Variants in SHISA6 observed in about 807,000 individuals in gnomAD.
The protein encoded by SHISA6 is protein shisa-6.
A neutral mutation model predicts 47.9 loss-of-function variants in SHISA6; 22 were observed. The ratio of observed to expected loss-of-function variants is 0.46; its 90% CI spans 0.33 to 0.66. SHISA6 has a LOEUF of 0.66. SHISA6 is among the 30% of genes least tolerant of loss of function. The probability of loss-of-function intolerance (pLI) is 0.02; values close to 1 mark genes in which losing one functional copy is unlikely to be tolerated. For synonymous variants in SHISA6, 388 were observed against 337.8 expected (o/e 1.15, Z -1.63); for missense variants, 680 against 764.6 (o/e 0.89, Z 1.30).
chr17:11,435,312 T>C (rs1199756259), intron 3 of SHISA6, among the ~76,000 whole-genome samples: 1 of 152,194 alleles, frequency 6.6e-6, no homozygotes, highest in East Asian at 1.9e-4. Context: ...TAAGTAGCCC[T>C]GAGGTCTGAA....
At chr17:11,512,521 A>T (rs1442718971) in intron 3 of SHISA6, among the ~76,000 whole-genome samples, 1 of 152,144 alleles carries the variant, frequency 6.6e-6, no homozygotes, top group African/African-American at 2.4e-5. Flanking sequence ...TTTTTTTGAA[A>T]TTGTATTTCA....
chr17:11,453,428 G>A lies in SHISA6; in HGVS notation c.895+73919G>A, dbSNP rs370270213. Among the ~76,000 whole-genome samples, 55 of 152,238 alleles carry A rather than the reference G, an allele frequency of 3.6e-4. 1 individual carries two copies. The highest frequency in any genetic ancestry group is 1.1e-3 in the African/African-American group (47 of 41,550). The stretch of plus-strand genomic sequence containing the variant: ...GCTTCCAGAGACCCTCAGCGGGACA[G>A]TGCTTACTTACTGCCTAACCCAACC... On this transcript the variant is annotated intron_variant, in intron 3 of 5. Transcript: ENST00000441885.
intron 3 of SHISA6, among the ~76,000 whole-genome samples, chr17:11,542,229 C>T (rs1168671562): frequency 1.3e-5 from 2 of 151,850 alleles, no homozygotes; most frequent in Non-Finnish European, 2.9e-5. Flanking sequence ...ATACCCTTGC[C>T]TTCTCATCAC....
intron 2 of SHISA6, among the ~76,000 whole-genome samples, chr17:11,302,885 GA>G (rs1909977261): frequency 6.6e-6 from 1 of 152,170 alleles, no homozygotes; most frequent in Non-Finnish European, 1.5e-5. Flanking sequence ...GGGGGCGTTT[GA>G]AATGAGAGGT....
At chr17:11,411,859 C>T (rs185844661) in intron 3 of SHISA6, among the ~76,000 whole-genome samples, 2 of 152,262 alleles carry the variant, frequency 1.3e-5, no homozygotes, top group East Asian at 1.9e-4. Flanking sequence ...ATTGACCACG[C>T]ACGTGCATTC....
intron 3 of SHISA6, among the ~76,000 whole-genome samples, chr17:11,407,998 C>T (rs529377535): frequency 2.4e-4 from 36 of 152,212 alleles, no homozygotes; most frequent in Admixed American, 9.8e-4. Flanking sequence ...ATTTCTTCCC[C>T]GACACCATCA....
intron 1 of SHISA6, among the ~76,000 whole-genome samples, chr17:11,253,993 C>G (rs1907916197): frequency 6.6e-6 from 1 of 152,140 alleles, no homozygotes; most frequent in Non-Finnish European, 1.5e-5. Context: ...ATTCCCAACA[C>G]CACTGTTTGG....
At chr17:11,447,235 T>G (rs868069333) in intron 3 of SHISA6, among the ~76,000 whole-genome samples, 1 of 152,206 alleles carries the variant, frequency 6.6e-6, no homozygotes, top group African/African-American at 2.4e-5. Flanking sequence ...TTCACAGTTT[T>G]CCGAGGAGGG....
intron 2 of SHISA6, among the ~76,000 whole-genome samples, chr17:11,342,480 A>G (rs924397793): frequency 6.6e-6 from 1 of 152,092 alleles, no homozygotes; most frequent in Non-Finnish European, 1.5e-5. Flanking sequence ...AGACCCTGCA[A>G]AGGGTCTTCG....
At chr17:11,513,525 A>C (rs1162630392) in intron 3 of SHISA6, among the ~76,000 whole-genome samples, 1 of 152,190 alleles carries the variant, frequency 6.6e-6, no homozygotes, top group Non-Finnish European at 1.5e-5. Context: ...AACCTATGTC[A>C]CATCTCTGGG....
At chr17:11,475,336 AG>A (rs1232609562) in intron 3 of SHISA6, among the ~76,000 whole-genome samples, 1 of 152,118 alleles carries the variant, frequency 6.6e-6, no homozygotes, top group Non-Finnish European at 1.5e-5. Flanking sequence ...GAGTGTTGAG[AG>A]GGGGCATGGC....
intron 3 of SHISA6, among the ~76,000 whole-genome samples, chr17:11,469,967 A>C (rs1915898791): frequency 6.6e-6 from 1 of 152,156 alleles, no homozygotes. Flanking sequence ...ATCCTATAGA[A>C]CTGGTGTCCA....
intron 2 of SHISA6, among the ~76,000 whole-genome samples, chr17:11,300,149 C>CAAAAAAAAAAAAAAAAA (rs56060137): frequency 7.7e-6 from 1 of 129,162 alleles, no homozygotes; most frequent in South Asian, 2.5e-4. Context: ...CATCTTAAAA[C>CAAAAAAAAAAAAAAAAA]AAAAAAAAAA....
Position 11,435,755 on chromosome 17 carries a change from T to G in SHISA6, c.895+56246T>G, listed in dbSNP as rs147391242. On this transcript the variant is annotated intron_variant, in intron 3 of 5. Coordinates refer to ENST00000441885, the MANE Select transcript of SHISA6 (RefSeq NM_207386.4). The stretch of plus-strand genomic sequence containing the variant: ...ATAGCCTTTTGCAGTTTTCATCAAG[T>G]GTATCCATAGCTGTGCAGTTCTAAA... Among the ~76,000 whole-genome samples the G allele has an allele frequency of 2.5e-3, 380 of 152,278 alleles. 2 individuals carry two copies. The highest frequency in any genetic ancestry group is 8.7e-3 in the African/African-American group (363 of 41,576).
intron 3 of SHISA6, among the ~76,000 whole-genome samples, chr17:11,413,409 G>A (rs527364526): frequency 4.7e-4 from 72 of 152,286 alleles, no homozygotes; most frequent in African/African-American, 1.4e-3. Flanking sequence ...AGAGGCCATT[G>A]CCCAGACATT....
intron 3 of SHISA6, among the ~76,000 whole-genome samples, chr17:11,529,049 C>A (rs79371125): frequency 0.13 from 19,032 of 151,384 alleles, 1,533 homozygotes; most frequent in Middle Eastern, 0.22. Context: ...AAAAATTAGC[C>A]GGACATGGTG....
At chr17:11,267,731 T>A (rs1567555190) in intron 2 of SHISA6, among the ~76,000 whole-genome samples, 1 of 151,988 alleles carries the variant, frequency 6.6e-6, no homozygotes, top group Admixed American at 6.6e-5. Context: ...CTAGGCAGAG[T>A]GAGTGTGGCT....
intron 2 of SHISA6, among the ~76,000 whole-genome samples, chr17:11,333,017 G>A (rs375661063): frequency 2.0e-5 from 3 of 152,144 alleles, no homozygotes; most frequent in Admixed American, 6.5e-5. Context: ...CTCCCTGTGC[G>A]GTGGCTGCCA....
At chr17:11,524,966 G>A (rs1462203125) in intron 3 of SHISA6, among the ~76,000 whole-genome samples, 3 of 152,162 alleles carry the variant, frequency 2.0e-5, no homozygotes, top group Admixed American at 2.0e-4. Flanking sequence ...GATGACGGGG[G>A]GGTAGATGAT....
Sources: allele counts gnomAD v4.1 joint callset (sites outside exome capture counted in the v4.1 genomes callset), GRCh38; gene constraint gnomAD v4.1.1; transcripts MANE v1.5; gene names NCBI Gene and HGNC (gene_info 2026-07-23, HGNC 2026-07-21).